ACSL3: variants seen among roughly 807,000 people sequenced by gnomAD.
ACSL3 encodes the protein acyl-CoA synthetase long chain family member 3, also known as fatty acid CoA ligase Acsl3.
Under a neutral mutation model 84.7 loss-of-function variants are expected in ACSL3, and 34 were observed. That is an observed-to-expected ratio of 0.40 (90% CI 0.31 to 0.53). The LOEUF (loss-of-function observed/expected upper bound fraction) is 0.53. Ranked by LOEUF, ACSL3 falls within the 20% of genes least tolerant of loss-of-function variation. The probability of loss-of-function intolerance (pLI) is 0.48; values close to 1 mark genes in which losing one functional copy is unlikely to be tolerated. For missense variants in ACSL3, 680 were observed against 873.1 expected, an observed-to-expected ratio of 0.78 and a Z score of 2.79; for synonymous variants, 315 against 299.4, an observed-to-expected ratio of 1.05 and a Z score of -0.54.
chr2:222,941,781 A>G lies in ACSL3; in HGVS notation c.*127A>G, dbSNP rs2106147708. ...TTAAACTATTACTTCTCATGACGTCACCATTTTTAACTGACAGGATTAGTA... is the reference window on the plus strand; with the variant it reads ...TTAAACTATTACTTCTCATGACGTCGCCATTTTTAACTGACAGGATTAGTA... On this transcript the variant is annotated 3_prime_UTR_variant, in exon 17 of 17. Transcript: ENST00000357430. The G allele has an allele frequency of 1.0e-6, 1 of 990,092 alleles. No individual in the cohort carries two copies. The highest frequency in any genetic ancestry group is 2.8e-5 in the East Asian group (1 of 36,286). 61.3% of individuals were successfully genotyped at this position (990,092 alleles called of 1,614,324 possible). A position where few individuals can be genotyped will look rare whatever the true frequency, so the allele number is the denominator to read the frequency against.
At chr2:222,890,416 A>G (rs1363297065) in intron 2 of ACSL3, among the ~76,000 whole-genome samples, 1 of 152,252 alleles carries the variant, frequency 6.6e-6, no homozygotes, top group East Asian at 1.9e-4. Flanking sequence ...TTTTAAAATC[A>G]TCTTGAAAAT....
chr2:222,928,833 A>T lies in ACSL3; in HGVS notation c.1466-29A>T, dbSNP rs756879497. On this transcript the variant is annotated intron_variant, in intron 12 of 16. Transcript: ENST00000357430. ...AAGCAGTGTATTAGCTACTGTTCTC[A>T]AATATCCTTTTTTTCATTTAATTCC... The T allele has an allele frequency of 5.7e-6, 9 of 1,585,916 alleles. No individual in the cohort carries two copies. In the Admixed American group the frequency reaches 1.0e-4, roughly 18 times the overall value.
intron 10 of ACSL3, among the ~76,000 whole-genome samples, chr2:222,923,364 G>A (rs989670861): frequency 6.6e-6 from 1 of 152,170 alleles, no homozygotes; most frequent in Non-Finnish European, 1.5e-5. Flanking sequence ...TTCAGCTTCT[G>A]TGTGTAATTA....
chr2:222,878,426 T>A (rs1456315185), intron 1 of ACSL3, among the ~76,000 whole-genome samples: 1 of 152,238 alleles, frequency 6.6e-6, no homozygotes, highest in Non-Finnish European at 1.5e-5. Context: ...TTTAATGTCA[T>A]TGCTGCTTAT....
chr2:222,900,060 T>C (rs956207970), intron 2 of ACSL3, among the ~76,000 whole-genome samples: 1 of 152,230 alleles, frequency 6.6e-6, no homozygotes, highest in African/African-American at 2.4e-5. Flanking sequence ...TTCTAAGGTG[T>C]AGCAACATAA....
chr2:222,922,679 T>C, intron 8 of ACSL3, 29 bp from the exon 9 acceptor site: 2 of 1,612,882 alleles, frequency 1.2e-6, no homozygotes, highest in Non-Finnish European at 1.7e-6. Flanking sequence ...CACCTGACTT[T>C]TGTTTCTGAC....
At chr2:222,865,825 T>TGTGTAC (rs1553581388) in intron 1 of ACSL3, among the ~76,000 whole-genome samples, 1 of 149,060 alleles carries the variant, frequency 6.7e-6, no homozygotes, top group South Asian at 2.2e-4. Flanking sequence ...TGTGTGTGTG[T>TGTGTAC]ACACAGATGT....
chr2:222,868,271 G>T (rs1231458532), intron 1 of ACSL3, among the ~76,000 whole-genome samples: 1 of 152,010 alleles, frequency 6.6e-6, no homozygotes. Flanking sequence ...TGGAATCCGG[G>T]CTCTACTTTT....
At position 222,941,695 on chromosome 2, in the gene ACSL3, T is replaced by G; in HGVS notation, c.*41T>G. On this transcript the variant is annotated 3_prime_UTR_variant, in exon 17 of 17. Transcript: ENST00000357430. ...ATCAGTTTGCTACAGTGAGCTCAGA[T>G]CAAATAGGAAAATACTTGAAATGCA... is the stretch of plus-strand genomic sequence containing the variant. The G allele has an allele frequency of 1.3e-6, 2 of 1,565,078 alleles. No homozygotes were observed. The highest frequency in any genetic ancestry group is 2.3e-5 in the South Asian group (2 of 85,372).
intron 5 of ACSL3, 120 bp downstream of exon 5, chr2:222,916,616 A>T: frequency 8.7e-7 from 1 of 1,152,396 alleles, no homozygotes; most frequent in Non-Finnish European, 1.2e-6. Flanking sequence ...TTAGTGGAGA[A>T]CTCTGTTGTG....
rs539926141 is a variant in ACSL3 at position 222,869,921 on chromosome 2, T to C, written c.-207+8663T>C. Among the ~76,000 whole-genome samples, 5 of 152,280 alleles carry C rather than the reference T, an allele frequency of 3.3e-5. No homozygotes were observed. The South Asian group carries it at 1.0e-3, about 32-fold the overall frequency. ...TTGATTAAACTCTGAAAGTAGTTGT[T>C]GAATGAATTAAACCTTCTAGGAATA... On this transcript the variant is annotated intron_variant, in intron 1 of 16. Transcript: ENST00000357430.
At chr2:222,892,808 A>G (rs1315708066) in intron 2 of ACSL3, among the ~76,000 whole-genome samples, 2 of 152,128 alleles carry the variant, frequency 1.3e-5, no homozygotes, top group Non-Finnish European at 2.9e-5. Flanking sequence ...GGGACAATCT[A>G]TTTGAAATTG....
intron 5 of ACSL3, among the ~76,000 whole-genome samples, chr2:222,917,005 A>G (rs1696601434): frequency 1.3e-5 from 2 of 152,154 alleles, no homozygotes; most frequent in South Asian, 4.1e-4. Context: ...AAAATGTGAC[A>G]GTAATTTGTG....
At position 222,863,093 on chromosome 2, in the gene ACSL3, GA is replaced by G. The variant is rs1462444910; in HGVS notation, c.-207+1836del. Among the ~76,000 whole-genome samples, 5 of 152,258 alleles carry G rather than the reference GA, an allele frequency of 3.3e-5. No homozygotes were observed. In the East Asian group the frequency reaches 7.7e-4, roughly 24 times the overall value. ...TCACCTAGAGCCATTTAATTTTTGTGATATGTCAGGCACCTTATTAGGTGCT... is the reference window on the plus strand; with the variant it reads ...TCACCTAGAGCCATTTAATTTTTGTGTATGTCAGGCACCTTATTAGGTGCT... On this transcript the variant is annotated intron_variant, in intron 1 of 16. Transcript: ENST00000357430.
intron 1 of ACSL3, among the ~76,000 whole-genome samples, chr2:222,866,347 A>C (rs112316441): frequency 6.6e-6 from 1 of 152,106 alleles, no homozygotes; most frequent in East Asian, 1.9e-4. Context: ...GGGTTTCACC[A>C]TGTTAGTCAG....
At chr2:222,868,843 G>A (rs967656447) in intron 1 of ACSL3, among the ~76,000 whole-genome samples, 1 of 152,026 alleles carries the variant, frequency 6.6e-6, no homozygotes, top group African/African-American at 2.4e-5. Flanking sequence ...GGTAGCGGGT[G>A]CCTGTAATCC....
At chr2:222,926,829 T>G (rs540050949) in intron 11 of ACSL3, among the ~76,000 whole-genome samples, 188 bp from the exon 12 acceptor site, 2 of 152,274 alleles carry the variant, frequency 1.3e-5, no homozygotes, top group Non-Finnish European at 2.9e-5. Flanking sequence ...AATAATAAAT[T>G]CTTTACCTTG....
At position 222,943,707 on chromosome 2, in the gene ACSL3, T is replaced by C. The variant is rs570085453; in HGVS notation, c.*2053T>C. ...AAGTGAAATTAAGTAGAGTCCCCTTTTAAACAAATTTGTCTGTAAGCAAAA... is the reference window on the plus strand; with the variant it reads ...AAGTGAAATTAAGTAGAGTCCCCTTCTAAACAAATTTGTCTGTAAGCAAAA... On this transcript the variant is annotated 3_prime_UTR_variant, in exon 17 of 17. Transcript: ENST00000357430. The C allele has an allele frequency of 1.8e-4, 27 of 152,206 alleles. No homozygotes were observed. In the South Asian group the frequency reaches 4.4e-3, roughly 25 times the overall value. 9.4% of individuals were successfully genotyped at this position (152,206 alleles called of 1,614,324 possible).
chr2:222,917,971 C>A, intron 5 of ACSL3, 75 bp from the exon 6 acceptor site: 1 of 1,050,702 alleles, frequency 9.5e-7, no homozygotes, highest in Non-Finnish European at 1.5e-6. Flanking sequence ...TATTATGATT[C>A]ATCTCCACAT....
Sources: gnomAD v4.1 joint callset for allele counts (sites outside exome capture counted in the v4.1 genomes callset) on GRCh38, gnomAD v4.1.1 for gene constraint, MANE v1.5 for transcripts, NCBI Gene and HGNC (gene_info 2026-07-23, HGNC 2026-07-21) for gene names.